The following FBXW11 variants were observed in gnomAD, a reference collection of about 807,000 sequenced individuals.
FBXW11 encodes F-box/WD repeat-containing protein 11.
FBXW11 carries 19 observed loss-of-function variants against 77.6 expected under a neutral mutation model. The observed-to-expected ratio is 0.24, with a 90% CI of 0.17 to 0.36. FBXW11 has a LOEUF of 0.36. FBXW11 is among the 10% of genes least tolerant of loss of function. The pLI, the probability that FBXW11 is intolerant of heterozygous loss-of-function variation, is 1.00. For synonymous variants in FBXW11, 235 were observed against 249.4 expected, an observed-to-expected ratio of 0.94 and a Z score of 0.54; for missense variants, 334 against 704.2, an observed-to-expected ratio of 0.47 and a Z score of 5.95.
rs549514739 is a variant in FBXW11 at position 171,987,886 on chromosome 5, C to T, written c.45+18572G>A. ...ACTTTTTTATGTAAAAGACTACAAG[C>T]TTCTGGAAGCAAGGTATGCATTTGA... On this transcript the variant is annotated intron_variant, in intron 1 of 13. Transcript: ENST00000517395. 5.3e-5 allele frequency among the ~76,000 whole-genome samples: 8 copies of T among 152,298 alleles called. No homozygotes were observed. In the East Asian group the frequency reaches 1.5e-3, roughly 29 times the overall value.
intron 4 of FBXW11, among the ~76,000 whole-genome samples, chr5:171,906,809 C>A (rs1212724797): frequency 6.6e-6 from 1 of 152,168 alleles, no homozygotes; most frequent in Non-Finnish European, 1.5e-5. Flanking sequence ...CTGCTCTGGC[C>A]GTGTACCCAT....
At chr5:171,991,875 G>T (rs1240644274) in intron 1 of FBXW11, among the ~76,000 whole-genome samples, 6 of 152,182 alleles carry the variant, frequency 3.9e-5, no homozygotes, top group Non-Finnish European at 8.8e-5. Flanking sequence ...AGCACTTTGG[G>T]AGGCCGAGGT....
At chr5:171,914,929 A>T (rs547107152) in intron 2 of FBXW11, among the ~76,000 whole-genome samples, 1 of 152,312 alleles carries the variant, frequency 6.6e-6, no homozygotes, top group East Asian at 1.9e-4. Context: ...GGGTGCCCCA[A>T]CCTTCTCCCT....
intron 2 of FBXW11, among the ~76,000 whole-genome samples, chr5:171,915,650 T>TGTGTGTGTGA (rs982596459): frequency 2.0e-5 from 3 of 151,214 alleles, no homozygotes; most frequent in Non-Finnish European, 2.9e-5. Context: ...TGTGTGTGTG[T>TGTGTGTGTGA]GAGCCTGAGC....
Position 171,876,186 on chromosome 5 carries a change from A to G in FBXW11, c.1221+99T>C. On this transcript the variant is annotated intron_variant, in intron 9 of 13. Transcript: ENST00000517395. The surrounding 1 kb of genome is among the most constrained non-coding windows in gnomAD (Gnocchi z 4.2). ...GGTTCATAAGCACAGAGGAGAATAA[A>G]GATCTTGCCAGGTACCAGGTTGGTA... is the stretch of plus-strand genomic sequence containing the variant. 7.0e-7 allele frequency: 1 copy of G among 1,421,838 alleles called. No homozygotes were observed. The highest frequency in any genetic ancestry group is 1.8e-5 in the Admixed American group (1 of 56,906). The allele number at this position is 1,421,838 out of a possible 1,614,324, so 88.1% of individuals were successfully genotyped here.
intron 2 of FBXW11, among the ~76,000 whole-genome samples, chr5:171,917,764 C>CTGTGTGTG (rs1036387534): frequency 4.6e-5 from 3 of 65,674 alleles, no homozygotes; most frequent in Non-Finnish European, 1.1e-4. Flanking sequence ...TCTAGACTCA[C>CTGTGTGTG]TCTGTGTGTG....
intron 1 of FBXW11, among the ~76,000 whole-genome samples, chr5:172,005,138 G>T (rs1188871210): frequency 6.6e-6 from 1 of 152,200 alleles, no homozygotes; most frequent in African/African-American, 2.4e-5. Flanking sequence ...GTTAAATGGG[G>T]GAAGTGGCTC....
chr5:171,987,006 T>C (rs1476038010), intron 1 of FBXW11, among the ~76,000 whole-genome samples: 1 of 152,168 alleles, frequency 6.6e-6, no homozygotes, highest in Non-Finnish European at 1.5e-5. Flanking sequence ...CATTAGATTC[T>C]CACAGAAGCA....
rs1185425180 is a variant in FBXW11 at position 171,868,662 on chromosome 5, G to A, written c.1665C>T (p.Ser555=). 1.9e-6 allele frequency: 3 copies of A among 1,613,582 alleles called. No homozygotes were observed. ...PSAQNETRSP[S]RTYTYISR is the part of the protein sequence containing the mutation. ...ATCTAGAGATGTAAGTGTATGTTCT[G>A]GAGGGAGAACGGGTCTCATTCTGGG... Residue 555 remains serine (S), a synonymous_variant, in exon 13 of 14, where the codon TCC becomes TCT. Coordinates refer to ENST00000517395, the MANE Select transcript of FBXW11 (RefSeq NM_001378974.1).
intron 1 of FBXW11, among the ~76,000 whole-genome samples, chr5:171,998,760 G>A (rs142840622): frequency 8.3e-4 from 115 of 139,252 alleles, no homozygotes; most frequent in Middle Eastern, 4.2e-3. Context: ...TCGTGCCACT[G>A]TACTCCAGCC....
chr5:171,910,825 A>T, intron 3 of FBXW11, 28 bp from the exon 4 acceptor site: 1 of 1,442,888 alleles, frequency 6.9e-7, no homozygotes, highest in South Asian at 1.4e-5. Context: ...AAAAAAAATT[A>T]GTTTAACAAG....
chr5:171,911,983 T>C (rs1229714928), intron 3 of FBXW11, among the ~76,000 whole-genome samples: 1 of 152,190 alleles, frequency 6.6e-6, no homozygotes, highest in Non-Finnish European at 1.5e-5. Flanking sequence ...ACACAAAAGA[T>C]AATTCTAAGA....
intron 7 of FBXW11, among the ~76,000 whole-genome samples, chr5:171,890,972 A>G (rs766528525): frequency 6.6e-6 from 1 of 152,262 alleles, no homozygotes; most frequent in Non-Finnish European, 1.5e-5. Flanking sequence ...ATATGAGGAC[A>G]TAAGATACAA....
chr5:171,862,775 C>G lies in FBXW11; in HGVS notation c.*1352G>C, dbSNP rs1561622070. On this transcript the variant is annotated 3_prime_UTR_variant, in exon 14 of 14. Coordinates refer to ENST00000517395, the MANE Select transcript of FBXW11 (RefSeq NM_001378974.1). ...GAGGCTTCACTCCACTTCAGAGCAC[C>G]CACCCCTCAGCATGGGCCTCTGAAC... The G allele has an allele frequency of 6.6e-6, 1 of 152,264 alleles. No individual in the cohort carries two copies. The highest frequency in any genetic ancestry group is 2.4e-5 in the African/African-American group (1 of 41,448). 9.4% of individuals were successfully genotyped at this position (152,264 alleles called of 1,614,324 possible). A position where few individuals can be genotyped will look rare whatever the true frequency, so the allele number is the denominator to read the frequency against.
Position 171,878,421 on chromosome 5 carries a change from A to G in FBXW11, c.853-292T>C, listed in dbSNP as rs994906055. Reference sequence around the variant, plus strand: ...CTTAAAAATAAAATCTGTGAAAAGAATTCGCTCACTGACTGGGTGCTGTGG... The same window carrying G: ...CTTAAAAATAAAATCTGTGAAAAGAGTTCGCTCACTGACTGGGTGCTGTGG... On this transcript the variant is annotated intron_variant, in intron 7 of 13. Coordinates refer to ENST00000517395, the MANE Select transcript of FBXW11 (RefSeq NM_001378974.1). Among the ~76,000 whole-genome samples the G allele has an allele frequency of 4.6e-5, 7 of 152,190 alleles. No homozygotes were observed. The South Asian group carries it at 1.2e-3, about 27-fold the overall frequency.
intron 1 of FBXW11, among the ~76,000 whole-genome samples, chr5:171,997,783 C>A (rs545382066): frequency 2.0e-5 from 3 of 152,192 alleles, no homozygotes; most frequent in East Asian, 1.9e-4. Flanking sequence ...ACTGCAAATT[C>A]TAAACAAACT....
intron 1 of FBXW11, among the ~76,000 whole-genome samples, chr5:171,978,009 G>A (rs542917148): frequency 6.6e-6 from 1 of 152,222 alleles, no homozygotes; most frequent in South Asian, 2.1e-4. Context: ...AGGGTACCTA[G>A]GGGACCCAGG....
At chr5:171,892,766 T>C (rs1042456436) in intron 6 of FBXW11, among the ~76,000 whole-genome samples, 1 of 152,204 alleles carries the variant, frequency 6.6e-6, no homozygotes, top group African/African-American at 2.4e-5. Flanking sequence ...AAGTCTGAAT[T>C]CTTGATCCTT....
intron 2 of FBXW11, among the ~76,000 whole-genome samples, chr5:171,928,955 C>A (rs1198991483): frequency 6.6e-6 from 1 of 151,928 alleles, no homozygotes; most frequent in Non-Finnish European, 1.5e-5. Context: ...TGCCTGTAAT[C>A]CCAGCTACTT....
Sources: allele counts gnomAD v4.1 joint callset (sites outside exome capture counted in the v4.1 genomes callset), GRCh38; gene constraint gnomAD v4.1.1; non-coding constraint Gnocchi (gnomAD v3.1); transcripts MANE v1.5; gene names NCBI Gene and HGNC (gene_info 2026-07-23, HGNC 2026-07-21).